Variants in CRHR1 observed in about 807,000 individuals in gnomAD.
The protein encoded by CRHR1 is corticotropin-releasing hormone receptor 1.
In CRHR1, 28 loss-of-function variants were observed where a neutral mutation model predicts 56.0. That is an observed-to-expected ratio of 0.50 (90% confidence interval 0.37 to 0.69). The LOEUF (loss-of-function observed/expected upper bound fraction) is 0.69. CRHR1 is among the 30% of genes least tolerant of loss of function. The pLI, the probability that CRHR1 is intolerant of heterozygous loss-of-function variation, is 0.00. For synonymous variants in CRHR1, 195 were observed against 216.5 expected (o/e 0.90, Z 0.87); for missense variants, 376 against 548.0 (o/e 0.69, Z 3.13).
At chr17:45,808,993 G>T (rs535631279) in intron 2 of CRHR1, among the ~76,000 whole-genome samples, 2 of 152,212 alleles carry the variant, frequency 1.3e-5, no homozygotes, top group Non-Finnish European at 2.9e-5. Context: ...GCCAGTAATT[G>T]CTCATAATGA....
chr17:45,787,776 C>A (rs1429874129), intron 1 of CRHR1, among the ~76,000 whole-genome samples: 1 of 152,190 alleles, frequency 6.6e-6, no homozygotes, highest in Non-Finnish European at 1.5e-5. Context: ...CAAGTTGTTT[C>A]TTTGATTAAA....
chr17:45,834,932 A>G lies in CRHR1; in HGVS notation c.*168A>G. On this transcript the variant is annotated 3_prime_UTR_variant, in exon 13 of 13. Transcript: ENST00000314537. ...GGCCGCTCTCCCCCTGCAGCCGTGC[A>G]GGACTCTAGCTCATGAGTGGAAAGT... 1 of 912,312 alleles carries G rather than the reference A, an allele frequency of 1.1e-6. No homozygotes were observed. The highest frequency in any genetic ancestry group is 1.7e-5 in the South Asian group (1 of 58,986). The allele number at this position is 912,312 out of a possible 1,614,324, so 56.5% of individuals were successfully genotyped here. A position where few individuals can be genotyped will look rare whatever the true frequency, so the allele number is the denominator to read the frequency against.
At chr17:45,817,111 G>T (rs1355495918) in intron 3 of CRHR1, among the ~76,000 whole-genome samples, 1 of 147,414 alleles carries the variant, frequency 6.8e-6, no homozygotes, top group Non-Finnish European at 1.5e-5. Context: ...ATTTGTAGGT[G>T]GAGTGGGGCA....
chr17:45,835,072 T>C lies in CRHR1; in HGVS notation c.*308T>C. 1 of 414,248 alleles carries C rather than the reference T, an allele frequency of 2.4e-6. No individual in the cohort carries two copies. Among genetic ancestry groups the C allele is most frequent in the Non-Finnish European group, 4.4e-6 (1 of 229,284 alleles). 25.7% of individuals were successfully genotyped at this position (414,248 alleles called of 1,614,324 possible). ...CGCTGGACACCTACAGCAGCACGCA[T>C]GTCCCTCCAAGGCTGTCTTCTCCCA... On this transcript the variant is annotated 3_prime_UTR_variant, in exon 13 of 13. Transcript: ENST00000314537.
At chr17:45,786,948 G>A (rs2061348107) in intron 1 of CRHR1, among the ~76,000 whole-genome samples, 1 of 152,120 alleles carries the variant, frequency 6.6e-6, no homozygotes. Context: ...GCCATTACCA[G>A]AAAATATTCG....
intron 1 of CRHR1, among the ~76,000 whole-genome samples, chr17:45,794,788 T>C (rs1020871395): frequency 2.6e-5 from 4 of 152,218 alleles, no homozygotes; most frequent in Non-Finnish European, 5.9e-5. Flanking sequence ...AGCCCCATGC[T>C]GTTCTACCCC....
At chr17:45,823,750 T>C (rs1420341218) in intron 4 of CRHR1, among the ~76,000 whole-genome samples, 1 of 152,198 alleles carries the variant, frequency 6.6e-6, no homozygotes, top group Admixed American at 6.5e-5. Flanking sequence ...CACCCCGGCC[T>C]GGCAAGCTTT....
intron 7 of CRHR1, 109 bp downstream of exon 7, chr17:45,830,679 T>C (rs2062285297): frequency 1.4e-6 from 2 of 1,427,686 alleles, no homozygotes; most frequent in East Asian, 4.6e-5. Flanking sequence ...GAGGTCGGGT[T>C]GGGGCGGTAA....
intron 4 of CRHR1, among the ~76,000 whole-genome samples, chr17:45,822,521 C>G (rs777236954): frequency 6.6e-6 from 1 of 152,202 alleles, no homozygotes; most frequent in Non-Finnish European, 1.5e-5. Context: ...TAAGCAGTCC[C>G]AAGAATCCCG....
intron 1 of CRHR1, among the ~76,000 whole-genome samples, chr17:45,786,132 T>TC (rs1000047582): frequency 2.0e-5 from 3 of 150,310 alleles, no homozygotes; most frequent in African/African-American, 7.4e-5. Context: ...CTTTTCTTTT[T>TC]TTTTTTTTCA....
Position 45,833,703 on chromosome 17 carries a change from C to G in CRHR1, c.930-11C>G. Reference sequence around the variant, plus strand: ...CTGTGACTCCGAGCCTCCCCACCCGCCCCACCCCAGGAAGGCTGTGAAAGC... The same window carrying G: ...CTGTGACTCCGAGCCTCCCCACCCGGCCCACCCCAGGAAGGCTGTGAAAGC... On this transcript the variant is annotated splice_polypyrimidine_tract_variant and intron_variant, in intron 10 of 12. Coordinates refer to ENST00000314537, the MANE Select transcript of CRHR1 (RefSeq NM_004382.5). 8.3e-7 allele frequency: 1 copy of G among 1,208,180 alleles called. No individual in the cohort carries two copies. Among genetic ancestry groups the G allele is most frequent in the Non-Finnish European group, 1.2e-6 (1 of 815,488 alleles). The allele number at this position is 1,208,180 out of a possible 1,614,324, so 74.8% of individuals were successfully genotyped here. A position where few individuals can be genotyped will look rare whatever the true frequency, so the allele number is the denominator to read the frequency against.
chr17:45,829,190 C>T (rs1483090978), intron 4 of CRHR1, 25 bp from the exon 5 acceptor site: 1 of 1,585,746 alleles, frequency 6.3e-7, no homozygotes, highest in Non-Finnish European at 8.7e-7. Context: ...AGAAGGCTCA[C>T]CTCTGCCCCT....
At chr17:45,819,812 A>T (rs371881706) in intron 3 of CRHR1, among the ~76,000 whole-genome samples, 1 of 152,224 alleles carries the variant, frequency 6.6e-6, no homozygotes, top group Non-Finnish European at 1.5e-5. Context: ...CAGGGGGACC[A>T]GGGAGGGGAA....
At chr17:45,803,979 C>G (rs1372101552) in intron 1 of CRHR1, among the ~76,000 whole-genome samples, 1 of 152,208 alleles carries the variant, frequency 6.6e-6, no homozygotes, top group Non-Finnish European at 1.5e-5. Context: ...GTCATGAGGA[C>G]ACTTTGCTTT....
chr17:45,820,689 G>T (rs779164320), intron 3 of CRHR1, among the ~76,000 whole-genome samples: 1 of 151,640 alleles, frequency 6.6e-6, no homozygotes, highest in Non-Finnish European at 1.5e-5. Context: ...CTGTCCAAGA[G>T]ACCTCCATCA....
Position 45,834,822 on chromosome 17 carries a change from C to A in CRHR1, c.*58C>A, listed in dbSNP as rs772364398. 2.1e-5 allele frequency: 34 copies of A among 1,605,502 alleles called. No homozygotes were observed. The highest frequency in any genetic ancestry group is 2.8e-5 in the Non-Finnish European group (33 of 1,175,670). On this transcript the variant is annotated 3_prime_UTR_variant, in exon 13 of 13. Transcript: ENST00000314537. Reference sequence around the variant, plus strand: ...TGTGGCTGGGGGGATGACGGCCAGGCTCCCTGACCACCCTGCCTGTGGAGG... The same window carrying A: ...TGTGGCTGGGGGGATGACGGCCAGGATCCCTGACCACCCTGCCTGTGGAGG...
At chr17:45,802,202 G>A (rs536657038) in intron 1 of CRHR1, among the ~76,000 whole-genome samples, 54 of 152,302 alleles carry the variant, frequency 3.5e-4, no homozygotes, top group Admixed American at 9.2e-4. Context: ...GTGCAGGCCT[G>A]TAATCCCAGC....
At chr17:45,788,649 C>T (rs1370426462) in intron 1 of CRHR1, among the ~76,000 whole-genome samples, 1 of 152,218 alleles carries the variant, frequency 6.6e-6, no homozygotes, top group South Asian at 2.1e-4. Context: ...AGTCTGCTTT[C>T]AGAAAAAGCT....
At chr17:45,797,283 C>CTTTTTTTTTTTTTTTTT (rs899983592) in intron 1 of CRHR1, among the ~76,000 whole-genome samples, 2 of 94,930 alleles carry the variant, frequency 2.1e-5, no homozygotes, top group African/African-American at 9.2e-5. Context: ...TTCTTTCTTT[C>CTTTTTTTTTTTTTTTTT]TTTTTTTTTT....
Sources: gnomAD v4.1 joint callset for allele counts (sites outside exome capture counted in the v4.1 genomes callset) on GRCh38, gnomAD v4.1.1 for gene constraint, MANE v1.5 for transcripts, NCBI Gene and HGNC (gene_info 2026-07-23, HGNC 2026-07-21) for gene names.